The following FAT1 variants were observed in gnomAD, a reference collection of about 807,000 sequenced individuals.
FAT1 encodes the protein protocadherin Fat 1.
In FAT1, 171 loss-of-function variants were observed where a neutral mutation model predicts 329.8. That is an observed-to-expected ratio of 0.52 (90% confidence interval 0.46 to 0.59). The LOEUF is 0.59. FAT1 is among the 20% of genes least tolerant of loss of function. The probability of loss-of-function intolerance (pLI) is 0.00; values close to 1 mark genes in which losing one functional copy is unlikely to be tolerated. For synonymous variants in FAT1, 2,233 were observed against 2,228.6 expected (o/e 1.00, Z -0.06); for missense variants, 5,672 against 5,774.4 (o/e 0.98, Z 0.57).
At position 186,620,459 on chromosome 4, in the gene FAT1, G is replaced by T. The variant is rs1240122583; in HGVS notation, c.6127C>A (p.Gln2043Lys). Residue 2043 changes from glutamine (Q) to lysine (K), a missense_variant, in exon 10 of 27, where the codon CAG becomes AAG. Coordinates refer to ENST00000441802, the MANE Select transcript of FAT1 (RefSeq NM_005245.4). ...ACAACCACATCAAACGCCTCCTGCTGCTCACGATCGAAGGGCGTGCCAGTG... is the reference window on the plus strand; with the variant it reads ...ACAACCACATCAAACGCCTCCTGCTTCTCACGATCGAAGGGCGTGCCAGTG... ...STTGTPFDRE[Q>K]QEAFDVVVEV... 6.2e-7 allele frequency: 1 copy of T among 1,614,010 alleles called. No homozygotes were observed. The highest frequency in any genetic ancestry group is 2.2e-5 in the East Asian group (1 of 44,886).
At chr4:186,688,693 T>G (rs73015634) in intron 2 of FAT1, among the ~76,000 whole-genome samples, 1 of 120,338 alleles carries the variant, frequency 8.3e-6, no homozygotes, top group East Asian at 3.0e-4. Flanking sequence ...GCTGCTACAG[T>G]AGACTTTCCA....
chr4:186,693,070 C>T (rs907053222), intron 2 of FAT1, among the ~76,000 whole-genome samples: 7 of 152,144 alleles, frequency 4.6e-5, no homozygotes, highest in Admixed American at 1.3e-4. Flanking sequence ...TCTCTGCTTA[C>T]GTTCTAGTTT....
rs1744630609 is a variant in FAT1, at chr4:186,706,770, C to T, written c.3058G>A (p.Val1020Ile). ...TTCTCATTCACATCAACCACCTCAA[C>T]TTCAACATAGCAAGTAGAAGACAGA... ...VSLSSTCYVE[V>I]EVVDVNENLH... The change falls in exon 2 of 27, where the codon GTT (valine) becomes ATT (isoleucine). Residue 1020 changes from valine (V) to isoleucine (I), a missense_variant. Around this residue, in one of 2 missense-constraint regions of FAT1, gnomAD observed 3,966 missense variants for 3,915.2 expected, o/e 1.01. Transcript: ENST00000441802. 2 of 1,613,984 alleles carry T rather than the reference C, an allele frequency of 1.2e-6. No homozygotes were observed. The highest frequency in any genetic ancestry group is 1.7e-6 in the Non-Finnish European group (2 of 1,179,890).
intron 2 of FAT1, among the ~76,000 whole-genome samples, chr4:186,704,545 CTTTAACT>C (rs1312031629): frequency 1.3e-5 from 2 of 152,182 alleles, no homozygotes; most frequent in East Asian, 1.9e-4. Context: ...TTTGTCTCAA[CTTTAACT>C]TTTAACAGTT....
intron 3 of FAT1, among the ~76,000 whole-genome samples, chr4:186,648,351 A>T (rs1014993155): frequency 3.3e-5 from 5 of 152,242 alleles, no homozygotes; most frequent in Non-Finnish European, 7.3e-5. Context: ...AACTAAACTT[A>T]GGCTGGAAAA....
Position 186,602,980 on chromosome 4 carries a change from C to A in FAT1, c.11405G>T (p.Gly3802Val). ...CCAGGGATCAGACACACATTCGGAT[C>A]CCTCAGGGCACGGATCATCTTCACA... ...HGCEDDPCPE[G>V]SECVSDPWEE... is the part of the protein sequence containing the mutation. The change falls in exon 20 of 27, where the codon GGA becomes GTA. Residue 3802 changes from glycine (G) to valine (V), a missense_variant. Gly to Val is a moderately radical substitution (Grantham distance 109). Coordinates refer to ENST00000441802, the MANE Select transcript of FAT1 (RefSeq NM_005245.4). The A allele has an allele frequency of 6.2e-7, 1 of 1,613,994 alleles. No homozygotes were observed. The highest frequency in any genetic ancestry group is 8.5e-7 in the Non-Finnish European group (1 of 1,179,884).
chr4:186,641,205 C>G (rs1741074581), intron 3 of FAT1, among the ~76,000 whole-genome samples: 2 of 152,120 alleles, frequency 1.3e-5, no homozygotes, highest in South Asian at 4.1e-4. Flanking sequence ...TTCAACGAAA[C>G]AGTGTTCTCT....
At chr4:186,610,719 T>A (rs1423706432) in intron 14 of FAT1, among the ~76,000 whole-genome samples, 32 of 103,988 alleles carry the variant, frequency 3.1e-4, no homozygotes, top group South Asian at 4.8e-4. Context: ...ATTTATATAA[T>A]TTATATAAAT....
rs1001471957 is a variant in FAT1, at chr4:186,707,291, G to A, written c.2537C>T (p.Ala846Val). The change falls in exon 2 of 27, where the codon GCC (alanine) becomes GTC (valine). Residue 846 changes from alanine (A) to valine (V), a missense_variant. By Grantham distance (64) the Ala-to-Val change is moderately conservative. Around this residue, in one of 2 missense-constraint regions of FAT1, gnomAD observed 3,966 missense variants for 3,915.2 expected, o/e 1.01. Transcript: ENST00000441802. ...EVHSEIIQVE[A>V]TDKDLGPNGH... ...GTTGGGCCCCAGGTCTTTATCTGTG[G>A]CTTCAACCTGGATGATTTCACTATG... 2 of 1,613,826 alleles carry A rather than the reference G, an allele frequency of 1.2e-6. No homozygotes were observed. The highest frequency in any genetic ancestry group is 1.7e-6 in the Non-Finnish European group (2 of 1,179,906).
chr4:186,686,478 C>G (rs979492696), intron 2 of FAT1, among the ~76,000 whole-genome samples: 36 of 152,166 alleles, frequency 2.4e-4, no homozygotes, highest in Non-Finnish European at 5.0e-4. Flanking sequence ...ATATAGTAAT[C>G]TCAACATCTG....
At position 186,596,793 on chromosome 4, in the gene FAT1, C is replaced by T. The variant is rs752393398; in HGVS notation, c.12747G>A (p.Val4249=). The T allele has an allele frequency of 5.6e-6, 9 of 1,613,882 alleles. No homozygotes were observed. The highest frequency in any genetic ancestry group is 1.7e-5 in the Admixed American group (1 of 60,012). The change falls in exon 25 of 27, where the codon GTG becomes GTA. Residue 4249 remains valine, a synonymous_variant. Coordinates refer to ENST00000441802, the MANE Select transcript of FAT1 (RefSeq NM_005245.4). The surrounding 1 kb of genome is among the most constrained non-coding windows in gnomAD (Gnocchi z 4.7). ...KNIYSDIPPQ[V]PVRPISYTPS... is the part of the protein sequence containing the mutation. Reference sequence around the variant, plus strand: ...GGGTGTAGGAAATAGGCCGGACAGGCACCTGGGGTGGTATGTCTGAGTAAA... The same window carrying T: ...GGGTGTAGGAAATAGGCCGGACAGGTACCTGGGGTGGTATGTCTGAGTAAA...
upstream of FAT1, chr4:186,726,657 C>G (rs911577575): frequency 1.3e-5 from 2 of 152,242 alleles, no homozygotes; most frequent in Non-Finnish European, 2.9e-5. Flanking sequence ...AGCCAGCCGC[C>G]GAGTTGAGGA....
At chr4:186,648,143 C>A (rs911534865) in intron 3 of FAT1, among the ~76,000 whole-genome samples, 4 of 152,096 alleles carry the variant, frequency 2.6e-5, no homozygotes, top group African/African-American at 9.7e-5. Flanking sequence ...TTACTTCTGG[C>A]TACTCCTGGG....
chr4:186,663,593 G>A lies in FAT1; in HGVS notation c.3286C>T (p.Arg1096Ter), dbSNP rs1358297166. 2.5e-6 allele frequency: 4 copies of A among 1,608,802 alleles called. No individual in the cohort carries two copies. The highest frequency in any genetic ancestry group is 3.4e-6 in the Non-Finnish European group (4 of 1,179,520). ...EETGVIETSD[R>*]LDRESTSHYW... ...TGGGAGGTCGATTCACGGTCCAGTC[G>A]ATCTGACGTCTCTATGACACCTACA... The change falls in exon 3 of 27, where the codon CGA (arginine) becomes TGA (stop). Residue 1096 changes from arginine (R) to a stop codon, truncating the protein, a stop_gained. Transcript: ENST00000441802. LOFTEE classifies it high-confidence loss of function.
chr4:186,605,910 C>CT (rs1739110589), intron 17 of FAT1, among the ~76,000 whole-genome samples, 160 bp downstream of exon 17: 1 of 152,064 alleles, frequency 6.6e-6, no homozygotes, highest in East Asian at 1.9e-4. Context: ...TTGGCTTTAT[C>CT]TTTAAAATGC....
chr4:186,692,244 A>T (rs1409617213), intron 2 of FAT1, among the ~76,000 whole-genome samples: 1 of 152,276 alleles, frequency 6.6e-6, no homozygotes, highest in African/African-American at 2.4e-5. Flanking sequence ...TCCCGTAACA[A>T]ACAACTCTAA....
chr4:186,667,953 C>T (rs948064885), intron 2 of FAT1, among the ~76,000 whole-genome samples: 4 of 152,134 alleles, frequency 2.6e-5, no homozygotes, highest in Non-Finnish European at 4.4e-5. Flanking sequence ...TGTCGGACAC[C>T]AAAGGTGCTG....
intron 7 of FAT1, among the ~76,000 whole-genome samples, chr4:186,631,470 TC>T (rs748070756): frequency 2.0e-5 from 3 of 150,648 alleles, no homozygotes; most frequent in Non-Finnish European, 4.4e-5. Flanking sequence ...TGCTCTTCAA[TC>T]CATCCCCATG....
At chr4:186,638,817 T>C (rs896478321) in intron 4 of FAT1, among the ~76,000 whole-genome samples, 30 of 152,092 alleles carry the variant, frequency 2.0e-4, no homozygotes, top group African/African-American at 7.0e-4. Context: ...AGAAGAGCAC[T>C]GATAACTCAA....
Sources: allele counts gnomAD v4.1 joint callset (sites outside exome capture counted in the v4.1 genomes callset), GRCh38; gene constraint gnomAD v4.1.1; regional missense constraint gnomAD v4.1.1; non-coding constraint Gnocchi (gnomAD v3.1); transcripts MANE v1.5; gene names NCBI Gene and HGNC (gene_info 2026-07-23, HGNC 2026-07-21).